NRXN3: variants seen among roughly 807,000 people sequenced by gnomAD.
NRXN3 encodes the protein neurexin III.
NRXN3 carries 32 observed loss-of-function variants against 137.6 expected under a neutral mutation model. The observed-to-expected ratio is 0.23, with a 90% CI of 0.18 to 0.31. NRXN3 has a LOEUF of 0.31. Among genes scored for constraint, NRXN3 ranks in the 10% least tolerant of loss-of-function variants. NRXN3 has a pLI of 1.00. For missense variants in NRXN3, 1,574 were observed against 2,062.5 expected, an observed-to-expected ratio of 0.76 and a Z score of 4.59; for synonymous variants, 798 against 784.5, an observed-to-expected ratio of 1.02 and a Z score of -0.29.
At chr14:79,564,806 T>C (rs1360421770) in intron 16 of NRXN3, among the ~76,000 whole-genome samples, 1 of 152,144 alleles carries the variant, frequency 6.6e-6, no homozygotes, top group Admixed American at 6.6e-5. Context: ...CTGTCATACC[T>C]TATTTGGTAA....
At chr14:78,209,281 C>G (rs933364867) in intron 1 of NRXN3, among the ~76,000 whole-genome samples, 22 of 151,974 alleles carry the variant, frequency 1.4e-4, no homozygotes, top group Non-Finnish European at 2.9e-5. Context: ...GCATGGAGAA[C>G]CTGAGGTAAA....
At chr14:78,206,613 G>A (rs532015250) in intron 1 of NRXN3, among the ~76,000 whole-genome samples, 1 of 152,176 alleles carries the variant, frequency 6.6e-6, no homozygotes, top group Non-Finnish European at 1.5e-5. Flanking sequence ...TGGCCTCCTT[G>A]GTTGGTAGGG....
chr14:79,378,832 A>G (rs2094383194), intron 15 of NRXN3, among the ~76,000 whole-genome samples: 1 of 151,844 alleles, frequency 6.6e-6, no homozygotes, highest in Non-Finnish European at 1.5e-5. Context: ...GAGCCCATTG[A>G]CATCCTGAAA....
At chr14:79,406,767 G>A (rs1567038432) in intron 15 of NRXN3, among the ~76,000 whole-genome samples, 1 of 152,116 alleles carries the variant, frequency 6.6e-6, no homozygotes, top group African/African-American at 2.4e-5. Context: ...GTAATGCAAG[G>A]TTTTTCTGTA....
At chr14:79,777,010 C>T (rs1603483630) in intron 19 of NRXN3, among the ~76,000 whole-genome samples, 3 of 152,290 alleles carry the variant, frequency 2.0e-5, no homozygotes, top group Admixed American at 1.3e-4. Context: ...TCTTTCCCTT[C>T]CCACACCTCC....
intron 19 of NRXN3, among the ~76,000 whole-genome samples, chr14:79,773,813 A>T (rs2099087788): frequency 6.7e-6 from 1 of 148,442 alleles, no homozygotes; most frequent in African/African-American, 2.5e-5. Context: ...TAAAAATAAA[A>T]AATAAAAATA....
intron 20 of NRXN3, among the ~76,000 whole-genome samples, chr14:79,828,618 C>CAAAA (rs60094990): frequency 1.5e-5 from 1 of 67,578 alleles, no homozygotes; most frequent in African/African-American, 6.2e-5. Context: ...GACTCCATCT[C>CAAAA]AAAAAAAAAA....
intron 16 of NRXN3, among the ~76,000 whole-genome samples, chr14:79,526,152 A>G (rs982007531): frequency 8.5e-5 from 13 of 152,048 alleles, no homozygotes; most frequent in African/African-American, 3.1e-4. Context: ...GGTTCAAGCA[A>G]TTCTCCTGCC....
intron 1 of NRXN3, among the ~76,000 whole-genome samples, chr14:78,215,644 G>T (rs1335691133): frequency 6.6e-6 from 1 of 152,062 alleles, no homozygotes; most frequent in Non-Finnish European, 1.5e-5. Flanking sequence ...AATTCAACTG[G>T]AGTTCTGTTG....
intron 19 of NRXN3, among the ~76,000 whole-genome samples, chr14:79,758,293 G>A (rs1248116309): frequency 1.3e-5 from 2 of 152,136 alleles, no homozygotes; most frequent in African/African-American, 4.8e-5. Flanking sequence ...TAGTTTTGCA[G>A]CCTGTGCAAG....
At chr14:78,981,181 T>G (rs2099488482) in intron 14 of NRXN3, among the ~76,000 whole-genome samples, 1 of 152,202 alleles carries the variant, frequency 6.6e-6, no homozygotes. Context: ...TTCATAAAAT[T>G]GGACAAAATG....
chr14:78,477,262 G>A (rs950257986), intron 4 of NRXN3, among the ~76,000 whole-genome samples: 7 of 152,038 alleles, frequency 4.6e-5, no homozygotes, highest in Middle Eastern at 3.2e-3. Flanking sequence ...GAGCCTTTCT[G>A]CTCATTCATT....
intron 19 of NRXN3, among the ~76,000 whole-genome samples, chr14:79,749,531 A>C (rs1234705865): frequency 6.6e-6 from 1 of 151,968 alleles, no homozygotes; most frequent in Non-Finnish European, 1.5e-5. Context: ...CCTCCCAAAA[A>C]TCTGGGATTA....
chr14:79,140,871 G>A (rs943561327), intron 15 of NRXN3, among the ~76,000 whole-genome samples: 2 of 151,950 alleles, frequency 1.3e-5, no homozygotes, highest in African/African-American at 2.4e-5. Context: ...TTAATGCCTA[G>A]CCTTTCAACA....
intron 15 of NRXN3, among the ~76,000 whole-genome samples, chr14:79,183,888 C>T (rs2063222095): frequency 6.6e-6 from 1 of 152,176 alleles, no homozygotes; most frequent in Non-Finnish European, 1.5e-5. Flanking sequence ...ATGGAATCCT[C>T]AAATGGTTTT....
intron 15 of NRXN3, among the ~76,000 whole-genome samples, chr14:79,298,294 A>G (rs2084538372): frequency 1.3e-5 from 2 of 152,130 alleles, no homozygotes; most frequent in Admixed American, 1.3e-4. Context: ...TAGGTAGACA[A>G]GTCAGAAGCA....
intron 15 of NRXN3, among the ~76,000 whole-genome samples, chr14:79,338,797 A>G (rs925893951): frequency 3.3e-5 from 5 of 152,180 alleles, no homozygotes; most frequent in African/African-American, 7.2e-5. Context: ...CTTCCCTCTG[A>G]ATTTTACCAC....
intron 8 of NRXN3, among the ~76,000 whole-genome samples, chr14:78,784,142 T>G (rs535692767): frequency 6.6e-6 from 1 of 150,954 alleles, no homozygotes; most frequent in African/African-American, 2.4e-5. Context: ...AATGAGCTGA[T>G]GTGATAGAAT....
At chr14:78,616,873 A>G (rs1356695598) in intron 4 of NRXN3, among the ~76,000 whole-genome samples, 2 of 152,232 alleles carry the variant, frequency 1.3e-5, no homozygotes, top group Non-Finnish European at 2.9e-5. Context: ...ATTAATATGT[A>G]ATGAAAGAAT....
Sources: allele counts gnomAD v4.1 joint callset (sites outside exome capture counted in the v4.1 genomes callset), GRCh38; gene constraint gnomAD v4.1.1; transcripts MANE v1.5; gene names NCBI Gene and HGNC (gene_info 2026-07-23, HGNC 2026-07-21).